CCDC88A: variants seen among roughly 807,000 people sequenced by gnomAD.
CCDC88A encodes the protein coiled-coil and HOOK domain protein 88A.
In CCDC88A, 54 loss-of-function variants were observed where a neutral mutation model predicts 234.3. That is an observed-to-expected ratio of 0.23 (90% CI 0.19 to 0.29). The LOEUF (loss-of-function observed/expected upper bound fraction) is 0.29. CCDC88A is among the 10% of genes least tolerant of loss of function. The pLI is 1.00. For synonymous variants in CCDC88A, 753 were observed against 737.8 expected, an observed-to-expected ratio of 1.02 and a Z score of -0.33; for missense variants, 1,832 against 2,123.4, an observed-to-expected ratio of 0.86 and a Z score of 2.70.
rs1272176950 is a variant in CCDC88A at position 55,332,537 on chromosome 2, A to T, written c.2855+29T>A. ...GAGCAAAAAAAAAAAAAAATTTTCA[A>T]CTGTTTGCCAAGTAGACTTAGTACT... On this transcript the variant is annotated intron_variant, in intron 16 of 32. Transcript: ENST00000436346. The surrounding 1 kb of genome is among the most constrained non-coding windows in gnomAD (Gnocchi z 4.5). The T allele has an allele frequency of 1.3e-6, 2 of 1,583,798 alleles. No individual in the cohort carries two copies. The highest frequency in any genetic ancestry group is 4.5e-5 in the East Asian group (2 of 44,418).
At chr2:55,369,400 A>C (rs570262720) in intron 5 of CCDC88A, among the ~76,000 whole-genome samples, 1 of 150,462 alleles carries the variant, frequency 6.6e-6, no homozygotes, top group Non-Finnish European at 1.5e-5. Flanking sequence ...TAAACTCTCC[A>C]GTCTAATACC....
At chr2:55,312,373 G>T in intron 23 of CCDC88A, 61 bp downstream of exon 23, 3 of 1,435,982 alleles carry the variant, frequency 2.1e-6, no homozygotes, top group Non-Finnish European at 1.9e-6. Context: ...CTGCCACTGG[G>T]TATGGCAATG....
At chr2:55,380,980 A>G (rs1179211392) in intron 3 of CCDC88A, among the ~76,000 whole-genome samples, 2 of 152,186 alleles carry the variant, frequency 1.3e-5, no homozygotes, top group Non-Finnish European at 2.9e-5. Flanking sequence ...GTACCGTGTA[A>G]TGACATTTTT....
chr2:55,291,928 A>C (rs372987009), intron 31 of CCDC88A, 153 bp from the exon 32 acceptor site: 5 of 505,354 alleles, frequency 9.9e-6, no homozygotes, highest in East Asian at 3.2e-5. Flanking sequence ...TCAATACTTA[A>C]AGATCGATTT....
intron 29 of CCDC88A, 172 bp from the exon 30 acceptor site, chr2:55,296,695 G>C: frequency 1.5e-6 from 1 of 645,774 alleles, no homozygotes; most frequent in Non-Finnish European, 2.6e-6. Flanking sequence ...TCTAACAATT[G>C]TCTGCCATAG....
chr2:55,324,008 C>T (rs1447480505), intron 17 of CCDC88A: 6 of 152,188 alleles, frequency 3.9e-5, no homozygotes, highest in African/African-American at 9.7e-5. Flanking sequence ...CCACTGCGCC[C>T]AGCCGAAGGC....
In CCDC88A at chr2:55,296,243, A is replaced by G. The variant is rs754953988; in HGVS notation, c.5091+15T>C. 1.2e-6 allele frequency: 2 copies of G among 1,608,688 alleles called. No individual in the cohort carries two copies. Among genetic ancestry groups the G allele is most frequent in the African/African-American group, 1.3e-5 (1 of 74,642 alleles). ...GGTGTTCATCTAAATTAAGGTCATC[A>G]TAGATAAAACTAACCTGTACTGAGG... On this transcript the variant is annotated intron_variant, in intron 30 of 32. Coordinates refer to ENST00000436346, the MANE Select transcript of CCDC88A (RefSeq NM_001365480.1).
At chr2:55,329,211 AAATG>A (rs1202048936) in intron 16 of CCDC88A, 2 of 152,248 alleles carry the variant, frequency 1.3e-5, no homozygotes, top group African/African-American at 2.4e-5. Context: ...AATGGTAGAT[AAATG>A]AATAATTATT....
At chr2:55,302,153 G>A in intron 26 of CCDC88A, 81 bp from the exon 27 acceptor site, 1 of 1,133,608 alleles carries the variant, frequency 8.8e-7, no homozygotes, top group Non-Finnish European at 1.3e-6. Flanking sequence ...AAATACTGTG[G>A]TTTTTGTCTA....
intron 12 of CCDC88A, among the ~76,000 whole-genome samples, chr2:55,341,870 C>A (rs188272236): frequency 6.6e-6 from 1 of 152,152 alleles, no homozygotes; most frequent in Admixed American, 6.6e-5. Context: ...AATGCTGCAA[C>A]AAGCATGGGA....
intron 5 of CCDC88A, among the ~76,000 whole-genome samples, chr2:55,371,936 T>C (rs1224512950): frequency 6.6e-6 from 1 of 152,216 alleles, no homozygotes; most frequent in East Asian, 1.9e-4. Flanking sequence ...ACAAAGTAGG[T>C]ATTCTATAAA....
At chr2:55,316,507 G>A (rs1198308178) in intron 21 of CCDC88A, among the ~76,000 whole-genome samples, 1 of 152,124 alleles carries the variant, frequency 6.6e-6, no homozygotes, top group Non-Finnish European at 1.5e-5. Context: ...CTTGAGGCCA[G>A]GAGTTTGTGA....
chr2:55,403,328 T>C (rs1679032291), intron 2 of CCDC88A: 1 of 152,232 alleles, frequency 6.6e-6, no homozygotes, highest in African/African-American at 2.4e-5. Flanking sequence ...CACTTTGTTA[T>C]GCAAGAACAT....
At chr2:55,382,829 A>G (rs1237029279) in intron 3 of CCDC88A, among the ~76,000 whole-genome samples, 1 of 152,170 alleles carries the variant, frequency 6.6e-6, no homozygotes, top group Non-Finnish European at 1.5e-5. Flanking sequence ...ATGACCTCTC[A>G]TATTACTACT....
Position 55,296,239 on chromosome 2 carries a change from C to A in CCDC88A, c.5091+19G>T, listed in dbSNP as rs755775594. The A allele has an allele frequency of 2.5e-6, 4 of 1,605,450 alleles. No individual in the cohort carries two copies. Among genetic ancestry groups the A allele is most frequent in the South Asian group, 2.2e-5 (2 of 89,714 alleles). On this transcript the variant is annotated intron_variant, in intron 30 of 32. Coordinates refer to ENST00000436346, the MANE Select transcript of CCDC88A (RefSeq NM_001365480.1). ...TTGTGGTGTTCATCTAAATTAAGGT[C>A]ATCATAGATAAAACTAACCTGTACT... is the stretch of plus-strand genomic sequence containing the variant.
chr2:55,325,308 G>A (rs1437041178), intron 17 of CCDC88A, among the ~76,000 whole-genome samples: 26 of 152,116 alleles, frequency 1.7e-4, no homozygotes, highest in Non-Finnish European at 4.4e-5. Flanking sequence ...ATTATAAATG[G>A]TGTTTTTTAA....
chr2:55,416,443 AATATAT>A (rs60840841), intron 2 of CCDC88A, among the ~76,000 whole-genome samples: 23 of 15,826 alleles, frequency 1.5e-3, no homozygotes, highest in East Asian at 8.0e-3. Flanking sequence ...TAAATAAATA[AATATAT>A]ATATATATAT....
At position 55,401,433 on chromosome 2, in the gene CCDC88A, C is replaced by CA. The variant is rs1418741634; in HGVS notation, c.165-12548_165-12547insT. On this transcript the variant is annotated intron_variant, in intron 2 of 32. Transcript: ENST00000436346. ...TGGATGACAGAGAAAGACTCTGTCTCCAAAAAAAAAAAAAATATATATATA... is the reference window on the plus strand; with the variant it reads ...TGGATGACAGAGAAAGACTCTGTCTCACAAAAAAAAAAAAAATATATATATA... Among the ~76,000 whole-genome samples the CA allele has an allele frequency of 4.0e-4, 12 of 30,114 alleles. 1 individual carries two copies. Among genetic ancestry groups the CA allele is most frequent in the African/African-American group, 9.7e-4 (4 of 4,128 alleles). The allele number at this position is 30,114 out of a possible 152,430, so 19.8% of individuals were successfully genotyped here.
At chr2:55,387,184 A>G (rs960681889) in intron 3 of CCDC88A, among the ~76,000 whole-genome samples, 1 of 150,220 alleles carries the variant, frequency 6.7e-6, no homozygotes, top group Admixed American at 6.6e-5. Flanking sequence ...CTCAAAAAAA[A>G]AAAAAAAAAA....
Sources: gnomAD v4.1 joint callset for allele counts (sites outside exome capture counted in the v4.1 genomes callset) on GRCh38, gnomAD v4.1.1 for gene constraint, Gnocchi (gnomAD v3.1) non-coding constraint, MANE v1.5 for transcripts, NCBI Gene and HGNC (gene_info 2026-07-23, HGNC 2026-07-21) for gene names.